The following DCAF11 variants were observed in gnomAD, a reference collection of about 807,000 sequenced individuals.
The protein encoded by DCAF11 is DDB1 and CUL4 associated factor 11, also known as DDB1- and CUL4-associated factor 11.
A neutral mutation model predicts 76.1 loss-of-function variants in DCAF11; 44 were observed. That is an observed-to-expected ratio of 0.58 (90% CI 0.45 to 0.74). The LOEUF (loss-of-function observed/expected upper bound fraction) is 0.74. DCAF11 is among the 30% of genes least tolerant of loss of function. The pLI is 0.00. For synonymous variants in DCAF11, 258 were observed against 255.0 expected (o/e 1.01, Z -0.11); for missense variants, 604 against 709.4 (o/e 0.85, Z 1.69).
chr14:24,119,260 C>T, intron 9 of DCAF11, 47 bp downstream of exon 9: 1 of 1,607,768 alleles, frequency 6.2e-7, no homozygotes, highest in Non-Finnish European at 8.5e-7. Flanking sequence ...GATGGGGGTT[C>T]TGCCAGAGAT....
Position 24,118,156 on chromosome 14 carries a change from G to A in DCAF11, c.577+1G>A, listed in dbSNP as rs1214673120. ...CAAATATTCATGTCTGCTTGCCAAG[G>A]TACCAGACCCTGGTCCTATAAACTA... is the stretch of plus-strand genomic sequence containing the variant. On this transcript the variant is annotated splice_donor_variant, in intron 6 of 14. Transcript: ENST00000446197. LOFTEE classifies it high-confidence loss of function. 1 of 1,610,484 alleles carries A rather than the reference G, an allele frequency of 6.2e-7. No individual in the cohort carries two copies. Among genetic ancestry groups the A allele is most frequent in the Admixed American group, 1.7e-5 (1 of 59,512 alleles).
intron 13 of DCAF11, among the ~76,000 whole-genome samples, 179 bp from the exon 14 acceptor site, chr14:24,122,792 G>C (rs762229528): frequency 9.2e-5 from 14 of 152,170 alleles, no homozygotes; most frequent in Non-Finnish European, 1.9e-4. Context: ...CTCAACCCAA[G>C]GTATGGAAAG....
chr14:24,120,944 C>T lies in DCAF11; in HGVS notation c.1199C>T (p.Ala400Val). 6.2e-7 allele frequency: 1 copy of T among 1,614,178 alleles called. No homozygotes were observed. Among genetic ancestry groups the T allele is most frequent in the Non-Finnish European group, 8.5e-7 (1 of 1,180,034 alleles). ...REGMEASRQA[A>V]TQQNWDYRWQ... Reference sequence around the variant, plus strand: ...GGCATGGAAGCTTCACGCCAGGCTGCCACACAGCAAAACTGGGACTATCGG... The same window carrying T: ...GGCATGGAAGCTTCACGCCAGGCTGTCACACAGCAAAACTGGGACTATCGG... Residue 400 changes from alanine (A) to valine (V), a missense_variant, in exon 12 of 15, where the codon GCC becomes GTC. Transcript: ENST00000446197.
At chr14:24,115,852 G>C in intron 2 of DCAF11, 103 bp downstream of exon 2, 1 of 1,429,892 alleles carries the variant, frequency 7.0e-7, no homozygotes, top group Admixed American at 2.1e-5. Context: ...GATTCGCTCA[G>C]GACAGCTGTT....
At chr14:24,122,933 T>G (rs938992983) in intron 13 of DCAF11, 38 bp from the exon 14 acceptor site, 2 of 1,588,714 alleles carry the variant, frequency 1.3e-6, no homozygotes, top group East Asian at 4.5e-5. Context: ...TTAGATGTCT[T>G]GTGGTGGTCC....
At chr14:24,118,985 A>T in intron 8 of DCAF11, 160 bp from the exon 9 acceptor site, 1 of 1,152,046 alleles carries the variant, frequency 8.7e-7, no homozygotes, top group Admixed American at 1.9e-5. Flanking sequence ...AGATGGTTGC[A>T]GGATGATTTC....
rs1047694145 is a variant in DCAF11, at chr14:24,117,961, C to A, written c.477-94C>A. On this transcript the variant is annotated intron_variant, in intron 5 of 14. Coordinates refer to ENST00000446197, the MANE Select transcript of DCAF11 (RefSeq NM_025230.5). This position sits in a 1 kb window ranked among gnomAD's most constrained non-coding sequence, Gnocchi z 4.3. The stretch of plus-strand genomic sequence containing the variant: ...ACTCACAGCCAAAAGGGAAGAATGA[C>A]TGTTCTGATATTCCAGCTCTGTTAG... The A allele has an allele frequency of 1.0e-6, 1 of 984,840 alleles. No individual in the cohort carries two copies. Among genetic ancestry groups the A allele is most frequent in the Non-Finnish European group, 1.5e-6 (1 of 646,346 alleles). 61.0% of individuals were successfully genotyped at this position (984,840 alleles called of 1,614,324 possible).
Position 24,119,248 on chromosome 14 carries a change from A to G in DCAF11, c.848+35A>G, listed in dbSNP as rs375530680. 18 of 1,612,312 alleles carry G rather than the reference A, an allele frequency of 1.1e-5. No individual in the cohort carries two copies. The African/African-American group carries it at 1.3e-4, about 12-fold the overall frequency. On this transcript the variant is annotated intron_variant, in intron 9 of 14. Transcript: ENST00000446197. ...TGTGGGGTATGTTTCCCTCAATAAC[A>G]AGATGGGGGTTCTGCCAGAGATGAG...
rs1005322077 is a variant in DCAF11, at chr14:24,119,372, T to G, written c.848+159T>G. On this transcript the variant is annotated intron_variant, in intron 9 of 14. Transcript: ENST00000446197. ...GTTGCTTCACCCCTTGCTCTCCATT[T>G]CCCCAGCACGAGATTGGAGGTGTCA... 7.5e-6 allele frequency: 9 copies of G among 1,199,726 alleles called. No homozygotes were observed. The Admixed American group carries it at 1.7e-4, about 23-fold the overall frequency. 74.3% of individuals were successfully genotyped at this position (1,199,726 alleles called of 1,614,324 possible). A position where few individuals can be genotyped will look rare whatever the true frequency, so the allele number is the denominator to read the frequency against.
At chr14:24,119,069 C>T in intron 8 of DCAF11, 76 bp from the exon 9 acceptor site, 1 of 1,587,688 alleles carries the variant, frequency 6.3e-7, no homozygotes, top group Non-Finnish European at 8.6e-7. Context: ...ATGTGCCTTA[C>T]AACCGTTGTC....
At position 24,117,612 on chromosome 14, in the gene DCAF11, T is replaced by C; in HGVS notation, c.412-56T>C. The C allele has an allele frequency of 1.3e-6, 2 of 1,590,104 alleles. No homozygotes were observed. The highest frequency in any genetic ancestry group is 1.7e-6 in the Non-Finnish European group (2 of 1,160,398). Reference sequence around the variant, plus strand: ...TATCTTTGGAGGAGGGGGCTTGATATGGCTGAAGTGGCCCTCTATTTCTGC... The same window carrying C: ...TATCTTTGGAGGAGGGGGCTTGATACGGCTGAAGTGGCCCTCTATTTCTGC... On this transcript the variant is annotated intron_variant, in intron 4 of 14. Coordinates refer to ENST00000446197, the MANE Select transcript of DCAF11 (RefSeq NM_025230.5). This position sits in a 1 kb window ranked among gnomAD's most constrained non-coding sequence, Gnocchi z 4.3.
intron 13 of DCAF11, 117 bp from the exon 14 acceptor site, chr14:24,122,854 C>G (rs2037716580): frequency 2.4e-6 from 2 of 845,718 alleles, no homozygotes; most frequent in Non-Finnish European, 3.7e-6. Context: ...GGCTTTGCTC[C>G]CATGGGAACA....
chr14:24,115,104 C>A lies in DCAF11; in HGVS notation c.-403C>A. 1 of 812,868 alleles carries A rather than the reference C, an allele frequency of 1.2e-6. No individual in the cohort carries two copies. Among genetic ancestry groups the A allele is most frequent in the Non-Finnish European group, 1.5e-6 (1 of 671,952 alleles). 50.4% of individuals were successfully genotyped at this position (812,868 alleles called of 1,614,324 possible). On this transcript the variant is annotated 5_prime_UTR_variant, in exon 1 of 15. Transcript: ENST00000446197. ...ACTGCTGCCGGCCTTTGTAAGGGGG[C>A]GCTCTGATTGGTCGATAAGGTGGGG...
chr14:24,117,682 C>T lies in DCAF11; in HGVS notation c.426C>T (p.Leu142=). Residue 142 remains leucine (L), a synonymous_variant, in exon 5 of 15, where the codon CTC becomes CTT. Transcript: ENST00000446197. The surrounding 1 kb of genome is among the most constrained non-coding windows in gnomAD (Gnocchi z 4.3). ...CTTCCATTTAGAGAGAACGGGGCCT[C>T]TGCCATCGGGGAAGCTTCTCCCTTG... The part of the protein sequence containing the change: ...PRMLHQRERG[L]CHRGSFSLGE... 4 of 1,614,124 alleles carry T rather than the reference C, an allele frequency of 2.5e-6. No homozygotes were observed. The highest frequency in any genetic ancestry group is 3.4e-6 in the Non-Finnish European group (4 of 1,179,982).
At chr14:24,118,334 A>G (rs2037621165) in intron 6 of DCAF11, 54 bp from the exon 7 acceptor site, 3 of 1,610,086 alleles carry the variant, frequency 1.9e-6, no homozygotes, top group Non-Finnish European at 2.5e-6. Flanking sequence ...TGTCTAATCT[A>G]GAAAAGTTAC....
At chr14:24,121,901 G>T (rs1240142765) in intron 13 of DCAF11, 1 of 188,960 alleles carries the variant, frequency 5.3e-6, no homozygotes, top group Non-Finnish European at 1.1e-5. Flanking sequence ...TAAGCTGGCT[G>T]CAGTGGCTCA....
At chr14:24,119,238 C>T in intron 9 of DCAF11, 25 bp downstream of exon 9, 3 of 1,613,872 alleles carry the variant, frequency 1.9e-6, no homozygotes, top group Non-Finnish European at 2.5e-6. Flanking sequence ...GGTATGTTTC[C>T]CTCAATAACA....
At chr14:24,122,683 A>G (rs2277483) in intron 13 of DCAF11, among the ~76,000 whole-genome samples, 54,004 of 151,976 alleles carry the variant, frequency 0.36, 10,202 homozygotes, top group East Asian at 0.63. Flanking sequence ...GGTGCCTTCC[A>G]TATCTTACTA....
chr14:24,117,080 A>G lies in DCAF11; in HGVS notation c.283+36A>G. The G allele has an allele frequency of 3.7e-6, 6 of 1,613,876 alleles. No individual in the cohort carries two copies. Among genetic ancestry groups the G allele is most frequent in the Non-Finnish European group, 5.1e-6 (6 of 1,179,912 alleles). On this transcript the variant is annotated intron_variant, in intron 3 of 14. Transcript: ENST00000446197. The surrounding 1 kb of genome is among the most constrained non-coding windows in gnomAD (Gnocchi z 4.3). The stretch of plus-strand genomic sequence containing the variant: ...AAGCCCCTAATGTTGGAAGACTTTT[A>G]CTAGAAAACCTTTTAGTGATATTTT...
Sources: gnomAD v4.1 joint callset for allele counts (sites outside exome capture counted in the v4.1 genomes callset) on GRCh38, gnomAD v4.1.1 for gene constraint, Gnocchi (gnomAD v3.1) non-coding constraint, MANE v1.5 for transcripts, NCBI Gene and HGNC (gene_info 2026-07-23, HGNC 2026-07-21) for gene names.